Variants in DPH6 observed in about 807,000 individuals in gnomAD.
DPH6 encodes diphthamine biosynthesis 6.
Under a neutral mutation model 38.2 loss-of-function variants are expected in DPH6, and 33 were observed. That is an observed-to-expected ratio of 0.86 (90% CI 0.65 to 1.15). The LOEUF is 1.15. Ranked by LOEUF, DPH6 falls within the 50% of genes most tolerant of loss-of-function variation. The pLI is 0.00. For synonymous variants in DPH6, 108 were observed against 103.0 expected, an observed-to-expected ratio of 1.05 and a Z score of -0.30; for missense variants, 325 against 320.0, an observed-to-expected ratio of 1.02 and a Z score of -0.12.
intron 3 of DPH6, among the ~76,000 whole-genome samples, chr15:35,244,600 G>A (rs912108430): frequency 2.6e-5 from 4 of 152,192 alleles, no homozygotes; most frequent in African/African-American, 9.7e-5. Flanking sequence ...TTATAAGGTG[G>A]TAAGGCAAGC....
At chr15:35,331,571 A>G (rs1167833387) in intron 3 of DPH6, among the ~76,000 whole-genome samples, 1 of 152,202 alleles carries the variant, frequency 6.6e-6, no homozygotes, top group African/African-American at 2.4e-5. Context: ...GTCCCAAAAG[A>G]GAGTCTAACA....
downstream of DPH6, among the ~76,000 whole-genome samples, chr15:35,214,181 T>G (rs1346097704): frequency 6.6e-6 from 1 of 151,824 alleles, no homozygotes; most frequent in Non-Finnish European, 1.5e-5. Context: ...GTCCCAAGTA[T>G]CCTCATGTTG....
chr15:35,540,677 A>C (rs535400568), intron 2 of DPH6, among the ~76,000 whole-genome samples: 2 of 152,078 alleles, frequency 1.3e-5, no homozygotes, highest in African/African-American at 4.8e-5. Context: ...AATATTCTAA[A>C]TAAGTGTCTC....
rs893040796 is a variant in DPH6 at position 35,441,117 on chromosome 15, C to T, written c.505+9568G>A. On this transcript the variant is annotated intron_variant, in intron 5 of 8. Coordinates refer to ENST00000256538, the MANE Select transcript of DPH6 (RefSeq NM_080650.4). ...AATCAAAACCACAATGAGATACCAT[C>T]TCATGCCAGTTAGAATGGTGATCTT... 7.2e-5 allele frequency among the ~76,000 whole-genome samples: 11 copies of T among 152,190 alleles called. 1 individual carries two copies. Among genetic ancestry groups the T allele is most frequent in the Admixed American group, 7.2e-4 (11 of 15,286 alleles).
chr15:35,156,565 C>T, the DPH6 span, among the ~76,000 whole-genome samples: 1 of 151,836 alleles, frequency 6.6e-6, no homozygotes, highest in East Asian at 1.9e-4. Context: ...TGGGATGGGG[C>T]ACACTTATTT....
At chr15:35,418,210 C>G (rs149461374) in intron 5 of DPH6, among the ~76,000 whole-genome samples, 35 of 152,166 alleles carry the variant, frequency 2.3e-4, no homozygotes, top group African/African-American at 7.7e-4. Context: ...ATGTATATAT[C>G]TCCCTACAAA....
intron 3 of DPH6, among the ~76,000 whole-genome samples, chr15:35,525,462 C>T (rs538511950): frequency 4.9e-4 from 74 of 152,196 alleles, no homozygotes; most frequent in Middle Eastern, 6.8e-3. Context: ...TTTGGAAGCC[C>T]CAGAAGACCC....
chr15:35,543,447 C>T (rs1046046434), intron 1 of DPH6, among the ~76,000 whole-genome samples: 2 of 151,788 alleles, frequency 1.3e-5, no homozygotes, highest in African/African-American at 4.8e-5. Context: ...GGCTGAATGG[C>T]AATCTATATG....
At chr15:35,459,678 C>G (rs2054039141) in intron 3 of DPH6, among the ~76,000 whole-genome samples, 1 of 151,916 alleles carries the variant, frequency 6.6e-6, no homozygotes, top group Admixed American at 6.6e-5. Context: ...GTGGAAGACA[C>G]CGGGGGTACA....
intron 7 of DPH6, among the ~76,000 whole-genome samples, chr15:35,379,790 AAAC>A (rs1201140568): frequency 1.3e-5 from 2 of 152,222 alleles, no homozygotes; most frequent in Non-Finnish European, 2.9e-5. Context: ...AAACAAAAAT[AAAC>A]AACAACAAAT....
At chr15:35,296,446 A>G (rs1242367630) in intron 3 of DPH6, among the ~76,000 whole-genome samples, 1 of 152,050 alleles carries the variant, frequency 6.6e-6, no homozygotes, top group Admixed American at 6.6e-5. Context: ...ACTTTTTACT[A>G]TACCACTCTC....
chr15:35,361,748 T>C lies in DPH6; in HGVS notation n.207+11773A>G, dbSNP rs1336570058. Among the ~76,000 whole-genome samples the C allele has an allele frequency of 2.6e-5, 4 of 152,034 alleles. No individual in the cohort carries two copies. The East Asian group carries it at 5.8e-4, about 22-fold the overall frequency. ...AGTGAATTTTTTGGTTCAGTTTTTA[T>C]ATTCTTTGGTTCCAGATTTTCTATT... On this transcript the variant is annotated intron_variant and non_coding_transcript_variant, in intron 3 of 3. Coordinates refer to the DPH6 transcript ENST00000558973.
At chr15:35,425,212 T>A (rs11629935) in intron 5 of DPH6, among the ~76,000 whole-genome samples, 9 of 151,346 alleles carry the variant, frequency 5.9e-5, no homozygotes, top group Admixed American at 1.3e-4. Flanking sequence ...CACTTTCCAA[T>A]CATGCCAAGT....
rs528795041 is a variant in DPH6, at chr15:35,428,097, C to T, written c.506-17201G>A. 3.3e-5 allele frequency among the ~76,000 whole-genome samples: 5 copies of T among 151,932 alleles called. No individual in the cohort carries two copies. In the South Asian group the frequency reaches 6.2e-4, roughly 19 times the overall value. On this transcript the variant is annotated intron_variant, in intron 5 of 8. Transcript: ENST00000256538. ...TATCAAATAGAATCGGAAAGCCACACGAGTTTAATTTTCTCATCACTGTGT... is the reference window on the plus strand; with the variant it reads ...TATCAAATAGAATCGGAAAGCCACATGAGTTTAATTTTCTCATCACTGTGT...
the DPH6 span, among the ~76,000 whole-genome samples, chr15:35,168,299 A>C: frequency 6.6e-6 from 1 of 152,042 alleles, no homozygotes; most frequent in Non-Finnish European, 1.5e-5. Flanking sequence ...CTTCTGAGCT[A>C]AATGTATTGC....
chr15:35,538,339 G>C lies in DPH6; in HGVS notation c.247C>G (p.Gln83Glu), dbSNP rs2055202744. 1.9e-6 allele frequency: 3 copies of C among 1,611,088 alleles called. No individual in the cohort carries two copies. The highest frequency in any genetic ancestry group is 1.7e-6 in the Non-Finnish European group (2 of 1,177,740). Residue 83 changes from glutamine (Q) to glutamate (E), a missense_variant, in exon 3 of 9, where the codon CAA (glutamine) becomes GAA (glutamate). Coordinates refer to ENST00000256538, the MANE Select transcript of DPH6 (RefSeq NM_080650.4). ...TCACCTTCACATTTGGTGTACACTT[G>C]TCTTGTATCCAAGCTCCTTCCTCTT... ...TIRGRSLDTR[Q>E]VYTKCEGDEV...
intron 1 of DPH6, 103 bp downstream of exon 1, chr15:35,546,016 C>A: frequency 9.2e-7 from 1 of 1,089,170 alleles, no homozygotes; most frequent in South Asian, 3.3e-5. Flanking sequence ...GAACCCCCAA[C>A]GCGCGACTCA....
intron 3 of DPH6, chr15:35,298,589 G>A (rs1342546894): frequency 2.5e-6 from 2 of 806,478 alleles, no homozygotes; most frequent in African/African-American, 1.7e-5. Flanking sequence ...TGACTTCTTG[G>A]ATGCATCTTT....
intron 3 of DPH6, among the ~76,000 whole-genome samples, chr15:35,516,701 C>CT (rs1207103906): frequency 6.6e-6 from 1 of 152,140 alleles, no homozygotes; most frequent in Admixed American, 6.5e-5. Flanking sequence ...TTTTCAACCA[C>CT]TTTTTTGGTC....
Sources: gnomAD v4.1 joint callset for allele counts (sites outside exome capture counted in the v4.1 genomes callset) on GRCh38, gnomAD v4.1.1 for gene constraint, MANE v1.5 for transcripts, NCBI Gene and HGNC (gene_info 2026-07-23, HGNC 2026-07-21) for gene names.